The following EXOC4 variants were observed in gnomAD, a reference collection of about 807,000 sequenced individuals.
The protein encoded by EXOC4 is exocyst complex component 4.
Under a neutral mutation model 107.2 loss-of-function variants are expected in EXOC4, and 71 were observed. That is an observed-to-expected ratio of 0.66 (90% confidence interval 0.55 to 0.81). The LOEUF is 0.81. Among genes scored for constraint, EXOC4 ranks in the 30% least tolerant of loss-of-function variants. The pLI, the probability that EXOC4 is intolerant of heterozygous loss-of-function variation, is 0.00. For synonymous variants in EXOC4, 456 were observed against 441.2 expected (o/e 1.03, Z -0.42); for missense variants, 1,108 against 1,189.6 (o/e 0.93, Z 1.01).
At chr7:133,941,916 A>G (rs117974690) in intron 14 of EXOC4, among the ~76,000 whole-genome samples, 1,813 of 151,818 alleles carry the variant, frequency 0.012, 17 homozygotes, top group Non-Finnish European at 0.02. Flanking sequence ...AAAGGCACAA[A>G]TAATGCTGGC....
At chr7:133,541,947 G>T (rs1800388817) in intron 9 of EXOC4, among the ~76,000 whole-genome samples, 1 of 152,154 alleles carries the variant, frequency 6.6e-6, no homozygotes, top group South Asian at 2.1e-4. Context: ...AGTCCCATTT[G>T]TGGTGGTCAT....
intron 11 of EXOC4, among the ~76,000 whole-genome samples, chr7:133,838,294 G>C (rs28581870): frequency 3.4e-4 from 52 of 152,236 alleles, no homozygotes; most frequent in African/African-American, 1.1e-3. Flanking sequence ...AAAATACCTA[G>C]CCATCTGAGT....
chr7:133,965,117 A>G (rs1016544734), intron 14 of EXOC4, among the ~76,000 whole-genome samples: 1 of 152,204 alleles, frequency 6.6e-6, no homozygotes, highest in Non-Finnish European at 1.5e-5. Context: ...TGTTGGCTGC[A>G]TGAATGTCTT....
At chr7:133,767,209 C>T (rs965133639) in intron 10 of EXOC4, among the ~76,000 whole-genome samples, 3 of 151,824 alleles carry the variant, frequency 2.0e-5, no homozygotes, top group Non-Finnish European at 4.4e-5. Context: ...TAATTTACAT[C>T]AAAAACTTTC....
intron 9 of EXOC4, among the ~76,000 whole-genome samples, chr7:133,569,153 T>G (rs1279217627): frequency 3.3e-5 from 2 of 61,376 alleles, no homozygotes; most frequent in East Asian, 7.6e-4. Context: ...TTAATAAAGA[T>G]TTTTTTTTAA....
At chr7:134,033,264 C>T (rs1386570942) in intron 17 of EXOC4, among the ~76,000 whole-genome samples, 2 of 152,180 alleles carry the variant, frequency 1.3e-5, no homozygotes, top group African/African-American at 4.8e-5. Context: ...ATATATCCTA[C>T]AGGACTATTT....
intron 7 of EXOC4, among the ~76,000 whole-genome samples, chr7:133,407,716 T>G (rs887096566): frequency 6.6e-6 from 1 of 152,156 alleles, no homozygotes; most frequent in Non-Finnish European, 1.5e-5. Flanking sequence ...ATACCAATAT[T>G]ACCAACCTAT....
At chr7:134,071,111 C>T (rs1220387732), downstream of EXOC4, among the ~76,000 whole-genome samples, 1 of 152,198 alleles carries the variant, frequency 6.6e-6, no homozygotes, top group Non-Finnish European at 1.5e-5. Context: ...GTATCAGGTG[C>T]TGTGCTAAAT....
At chr7:133,392,533 C>T (rs1253042867) in intron 7 of EXOC4, among the ~76,000 whole-genome samples, 1 of 152,098 alleles carries the variant, frequency 6.6e-6, no homozygotes, top group East Asian at 1.9e-4. Context: ...AAGCTGGCCT[C>T]TTTGGGAGTG....
At chr7:133,508,853 A>G (rs1799713970) in intron 9 of EXOC4, among the ~76,000 whole-genome samples, 1 of 152,208 alleles carries the variant, frequency 6.6e-6, no homozygotes, top group South Asian at 2.1e-4. Context: ...CTTATAAGGC[A>G]TACCACACTA....
At chr7:133,439,589 C>T (rs563052114) in intron 7 of EXOC4, among the ~76,000 whole-genome samples, 2 of 152,126 alleles carry the variant, frequency 1.3e-5, no homozygotes, top group South Asian at 2.1e-4. Flanking sequence ...GTATAGTGTA[C>T]GTATTTATGT....
At chr7:133,418,868 C>A (rs774503582) in intron 7 of EXOC4, among the ~76,000 whole-genome samples, 2 of 152,072 alleles carry the variant, frequency 1.3e-5, no homozygotes, top group African/African-American at 2.4e-5. Flanking sequence ...TTAGATAAAG[C>A]CTTTGTATAC....
intron 13 of EXOC4, among the ~76,000 whole-genome samples, chr7:133,918,083 C>T (rs1312498957): frequency 6.6e-6 from 1 of 151,574 alleles, no homozygotes; most frequent in Admixed American, 6.6e-5. Context: ...CCTGGGTTCA[C>T]GCCATTCTCC....
At chr7:133,778,521 T>C (rs911992346) in intron 10 of EXOC4, among the ~76,000 whole-genome samples, 1 of 151,914 alleles carries the variant, frequency 6.6e-6, no homozygotes, top group Non-Finnish European at 1.5e-5. Flanking sequence ...GAGGTGGAGG[T>C]TGCAGTGAGC....
rs75926693 is a variant in EXOC4 at position 133,395,585 on chromosome 7, A to G, written c.1182+20583A>G. Among the ~76,000 whole-genome samples, 24 of 152,256 alleles carry G rather than the reference A, an allele frequency of 1.6e-4. No individual in the cohort carries two copies. In the East Asian group the frequency reaches 4.6e-3, roughly 29 times the overall value. The stretch of plus-strand genomic sequence containing the variant: ...CCCAGAATGTGATTGTTATGAAAGT[A>G]CTGAGATTATTACATTTAGGCCCTA... On this transcript the variant is annotated intron_variant, in intron 7 of 17. Coordinates refer to ENST00000253861, the MANE Select transcript of EXOC4 (RefSeq NM_021807.4).
intron 1 of EXOC4, among the ~76,000 whole-genome samples, chr7:133,274,010 A>T (rs963568946): frequency 3.3e-5 from 5 of 151,902 alleles, no homozygotes; most frequent in South Asian, 2.1e-4. Context: ...ATACTAAATT[A>T]AAAAAAAATT....
At chr7:133,621,171 A>G (rs1408142269) in intron 9 of EXOC4, among the ~76,000 whole-genome samples, 1 of 152,088 alleles carries the variant, frequency 6.6e-6, no homozygotes, top group Non-Finnish European at 1.5e-5. Flanking sequence ...TTAACCTTCA[A>G]ATTTGTTGCT....
chr7:133,521,448 A>G (rs1799977912), intron 9 of EXOC4, among the ~76,000 whole-genome samples: 1 of 152,182 alleles, frequency 6.6e-6, no homozygotes, highest in Admixed American at 6.5e-5. Flanking sequence ...ATTGGAAAGT[A>G]TTTATTTGTT....
chr7:133,425,065 A>G (rs560636878), intron 7 of EXOC4, among the ~76,000 whole-genome samples: 55 of 151,276 alleles, frequency 3.6e-4, no homozygotes, highest in African/African-American at 1.3e-3. Context: ...GAGGGAAGGC[A>G]TGGACTCCAT....
Sources: allele counts gnomAD v4.1 joint callset (sites outside exome capture counted in the v4.1 genomes callset), GRCh38; gene constraint gnomAD v4.1.1; transcripts MANE v1.5; gene names NCBI Gene and HGNC (gene_info 2026-07-23, HGNC 2026-07-21).